CTNND2: variants seen among roughly 807,000 people sequenced by gnomAD.
CTNND2 encodes the protein catenin delta 2.
Under a neutral mutation model 144.4 loss-of-function variants are expected in CTNND2, and 22 were observed. That is an observed-to-expected ratio of 0.15 (90% CI 0.11 to 0.22). CTNND2 has a LOEUF of 0.22. CTNND2 is among the 10% of genes least tolerant of loss of function. The probability of loss-of-function intolerance (pLI) is 1.00; values close to 1 mark genes in which losing one functional copy is unlikely to be tolerated. For missense variants in CTNND2, 1,353 were observed against 1,618.8 expected (o/e 0.84, Z 2.82); for synonymous variants, 751 against 695.6 (o/e 1.08, Z -1.25).
At chr5:11,246,553 C>A (rs1464324876) in intron 9 of CTNND2, among the ~76,000 whole-genome samples, 10 of 152,020 alleles carry the variant, frequency 6.6e-5, no homozygotes, top group Admixed American at 6.5e-4. Context: ...TGGAGAGACG[C>A]TACACTGCTC....
chr5:11,199,304 G>T, intron 11 of CTNND2, 144 bp downstream of exon 11: 1 of 654,456 alleles, frequency 1.5e-6, no homozygotes, highest in Non-Finnish European at 2.6e-6. Flanking sequence ...TTCTTCAGTT[G>T]TTTACTCATT....
chr5:11,348,861 A>C (rs1199579651), intron 8 of CTNND2, among the ~76,000 whole-genome samples: 1 of 152,206 alleles, frequency 6.6e-6, no homozygotes, highest in Non-Finnish European at 1.5e-5. Context: ...AAATTCAATT[A>C]ATTAAGCAGA....
intron 5 of CTNND2, among the ~76,000 whole-genome samples, chr5:11,400,590 GA>G (rs112886483): frequency 0.057 from 8,675 of 152,200 alleles, 565 homozygotes; most frequent in African/African-American, 0.15. Context: ...TCTTTGTTCT[GA>G]AACAAAACCT....
intron 11 of CTNND2, among the ~76,000 whole-genome samples, chr5:11,175,871 C>A (rs549342545): frequency 6.6e-6 from 1 of 152,220 alleles, no homozygotes; most frequent in African/African-American, 2.4e-5. Context: ...TGTTGCTGCC[C>A]CTCAGCAACC....
intron 8 of CTNND2, among the ~76,000 whole-genome samples, chr5:11,361,794 C>G (rs369606082): frequency 1.3e-5 from 2 of 152,206 alleles, no homozygotes; most frequent in South Asian, 2.1e-4. Context: ...TTCAATGACA[C>G]CGTCTAATAA....
Position 11,711,885 on chromosome 5 carries a change from G to A in CTNND2, c.174+20251C>T, listed in dbSNP as rs986183788. ...GGAATTGTATATGATTCTGGTAGGT[G>A]GGCAGATTATAAGATAATGTGTGTG... is the stretch of plus-strand genomic sequence containing the variant. On this transcript the variant is annotated intron_variant, in intron 2 of 21. Coordinates refer to ENST00000304623, the MANE Select transcript of CTNND2 (RefSeq NM_001332.4). Among the ~76,000 whole-genome samples, 3 of 152,150 alleles carry A rather than the reference G, an allele frequency of 2.0e-5. No homozygotes were observed. The South Asian group carries it at 6.2e-4, about 32-fold the overall frequency.
At chr5:11,827,444 T>G (rs950880701) in intron 1 of CTNND2, among the ~76,000 whole-genome samples, 1 of 151,640 alleles carries the variant, frequency 6.6e-6, no homozygotes, top group Non-Finnish European at 1.5e-5. Flanking sequence ...AAAACAAAGA[T>G]AGAAATCAAT....
intron 12 of CTNND2, among the ~76,000 whole-genome samples, chr5:11,134,660 C>T (rs10513073): frequency 0.62 from 93,864 of 152,074 alleles, 29,031 homozygotes; most frequent in East Asian, 0.74. Context: ...CTCTGAATGA[C>T]AAGACGAGAT....
chr5:11,598,094 G>A (rs1247906319), intron 2 of CTNND2, among the ~76,000 whole-genome samples: 1 of 152,146 alleles, frequency 6.6e-6, no homozygotes, highest in Non-Finnish European at 1.5e-5. Flanking sequence ...TACATCCAAT[G>A]AGGCAAGTTA....
Position 11,412,064 on chromosome 5 carries a change from G to A in CTNND2, c.293C>T (p.Ala98Val). ...TGACTGCCACTGAAACTGCTCTTCTGCTGAACTGTAAAAAAGAAAATACAG... is the reference window on the plus strand; with the variant it reads ...TGACTGCCACTGAAACTGCTCTTCTACTGAACTGTAAAAAAGAAAATACAG... ...ETGSMSSMSS[A>V]EEQFQWQSQD... The change falls in exon 4 of 22, where the codon GCA becomes GTA. Residue 98 changes from alanine to valine, a missense_variant. Ala to Val is a moderately conservative substitution (Grantham distance 64, BLOSUM62 0). This residue lies in a region of CTNND2 where 708 missense variants were observed against 706.4 expected (regional missense o/e 1.00). Transcript: ENST00000304623. 4 of 1,610,308 alleles carry A rather than the reference G, an allele frequency of 2.5e-6. No individual in the cohort carries two copies. Among genetic ancestry groups the A allele is most frequent in the Non-Finnish European group, 3.4e-6 (4 of 1,176,882 alleles).
At chr5:11,741,254 A>C (rs1338929907) in intron 1 of CTNND2, among the ~76,000 whole-genome samples, 1 of 152,102 alleles carries the variant, frequency 6.6e-6, no homozygotes, top group Non-Finnish European at 1.5e-5. Context: ...TTCTACTATA[A>C]AGACACATGC....
intron 11 of CTNND2, among the ~76,000 whole-genome samples, chr5:11,167,258 A>G (rs1360320857): frequency 6.6e-6 from 1 of 152,234 alleles, no homozygotes; most frequent in African/African-American, 2.4e-5. Context: ...CTCATTCTAC[A>G]GTTGCCACAT....
At chr5:11,767,312 C>T (rs1789651476) in intron 1 of CTNND2, among the ~76,000 whole-genome samples, 1 of 152,148 alleles carries the variant, frequency 6.6e-6, no homozygotes, top group Admixed American at 6.5e-5. Context: ...ACACAATGCC[C>T]ATTAATTACT....
At chr5:11,732,886 C>T (rs538022785) in intron 1 of CTNND2, among the ~76,000 whole-genome samples, 22 of 152,074 alleles carry the variant, frequency 1.4e-4, no homozygotes, top group Non-Finnish European at 2.2e-4. Context: ...CCTCATTCCA[C>T]AGAGGGTCCT....
intron 2 of CTNND2, among the ~76,000 whole-genome samples, chr5:11,711,441 G>A (rs1463409511): frequency 6.6e-6 from 1 of 151,960 alleles, no homozygotes; most frequent in Non-Finnish European, 1.5e-5. Context: ...CTCATTGCAC[G>A]CCACTTACAT....
In CTNND2 at chr5:11,384,783, G is replaced by A. The variant is rs746777283; in HGVS notation, c.1059C>T (p.Ile353=). The A allele has an allele frequency of 3.1e-6, 5 of 1,613,188 alleles. No individual in the cohort carries two copies. The highest frequency in any genetic ancestry group is 4.2e-6 in the Non-Finnish European group (5 of 1,179,702). ...SSPIHQLSST[I]GTYATLSPTK... ...TGGGCGACAGGGTGGCGTACGTGCC[G>A]ATGGTGGAGCTCAGCTGGTGGATGG... is the stretch of plus-strand genomic sequence containing the variant. The change falls in exon 7 of 22, where the codon ATC becomes ATT. Residue 353 remains isoleucine, a synonymous_variant. Transcript: ENST00000304623. The surrounding 1 kb of genome is among the most constrained non-coding windows in gnomAD (Gnocchi z 5.2).
rs115443065 is a variant in CTNND2, at chr5:11,168,984, G to A, written c.1976-9225C>T. 7.5e-3 allele frequency among the ~76,000 whole-genome samples: 1,149 copies of A among 152,292 alleles called. 10 individuals are homozygous for A. The highest frequency in any genetic ancestry group is 0.023 in the African/African-American group (940 of 41,552). ...CTATCCCTGTGTTAGACCATGCTGA[G>A]ACTGATCAAAAATAATTTAAGTGCT... On this transcript the variant is annotated intron_variant, in intron 11 of 21. Coordinates refer to ENST00000304623, the MANE Select transcript of CTNND2 (RefSeq NM_001332.4).
Position 11,872,218 on chromosome 5 carries a change from C to A in CTNND2, c.37+31599G>T, listed in dbSNP as rs541970492. Among the ~76,000 whole-genome samples the A allele has an allele frequency of 2.0e-5, 3 of 152,220 alleles. No homozygotes were observed. The South Asian group carries it at 6.2e-4, about 32-fold the overall frequency. ...TCCCTGCAAAGGACATGAATTCATC[C>A]TTTTTTATGGCTGTATAGTATTCCA... is the stretch of plus-strand genomic sequence containing the variant. On this transcript the variant is annotated intron_variant, in intron 1 of 21. Coordinates refer to ENST00000304623, the MANE Select transcript of CTNND2 (RefSeq NM_001332.4).
chr5:11,382,227 ACAAGGCC>A (rs1319943672), intron 7 of CTNND2, among the ~76,000 whole-genome samples: 3 of 152,212 alleles, frequency 2.0e-5, no homozygotes, highest in African/African-American at 7.2e-5. Flanking sequence ...CTCATTTGAA[ACAAGGCC>A]AAGGATTTTG....
Sources: gnomAD v4.1 joint callset for allele counts (sites outside exome capture counted in the v4.1 genomes callset) on GRCh38, gnomAD v4.1.1 for gene constraint, gnomAD v4.1.1 regional missense constraint, Gnocchi (gnomAD v3.1) non-coding constraint, MANE v1.5 for transcripts, NCBI Gene and HGNC (gene_info 2026-07-23, HGNC 2026-07-21) for gene names.